FBH1: variants seen among roughly 807,000 people sequenced by gnomAD.
FBH1 encodes DNA 3'-5' helicase 1.
In FBH1, 43 loss-of-function variants were observed where a neutral mutation model predicts 115.5. That is an observed-to-expected ratio of 0.37 (90% CI 0.29 to 0.48). The LOEUF (loss-of-function observed/expected upper bound fraction) is 0.48. FBH1 is among the 20% of genes least tolerant of loss of function. The pLI is 0.99. For synonymous variants in FBH1, 524 were observed against 507.8 expected, an observed-to-expected ratio of 1.03 and a Z score of -0.43; for missense variants, 1,001 against 1,337.3, an observed-to-expected ratio of 0.75 and a Z score of 3.92.
intron 18 of FBH1, among the ~76,000 whole-genome samples, chr10:5,927,141 G>A (rs74116615): frequency 0.013 from 1,918 of 152,322 alleles, 31 homozygotes; most frequent in African/African-American, 0.036. Context: ...CTGGCATAAT[G>A]ACTGTAAACA....
rs1379367867 is a variant in FBH1, at chr10:5,915,127, A to G, written c.1397-276A>G. 6.6e-6 allele frequency among the ~76,000 whole-genome samples: 1 copy of G among 152,066 alleles called. No individual in the cohort carries two copies. The highest frequency in any genetic ancestry group is 2.4e-5 in the African/African-American group (1 of 41,408). On this transcript the variant is annotated intron_variant, in intron 8 of 20. Transcript: ENST00000362091. The surrounding 1 kb of genome is among the most constrained non-coding windows in gnomAD (Gnocchi z 5.2). Reference sequence around the variant, plus strand: ...CCCTACCTCTAATGGATACCCACTTATTTCTGAGAAGCAAACTGAAGCTCA... The same window carrying G: ...CCCTACCTCTAATGGATACCCACTTGTTTCTGAGAAGCAAACTGAAGCTCA...
rs1043322704 is a variant in FBH1, at chr10:5,933,383, G to A, written c.2830-3073G>A. 2.3e-4 allele frequency among the ~76,000 whole-genome samples: 35 copies of A among 152,198 alleles called. No homozygotes were observed. Among genetic ancestry groups the A allele is most frequent in the African/African-American group, 8.4e-4 (35 of 41,452 alleles). ...AGTGTGGGCAACAAAGTGAGACTCT[G>A]TCTCAAAACAAACAAACAAAAAAGT... On this transcript the variant is annotated intron_variant, in intron 19 of 20. Transcript: ENST00000362091. The surrounding 1 kb of genome is among the most constrained non-coding windows in gnomAD (Gnocchi z 4.9).
chr10:5,896,210 GTCTCA>G (rs1485773515), intron 1 of FBH1, among the ~76,000 whole-genome samples: 1 of 152,130 alleles, frequency 6.6e-6, no homozygotes, highest in Non-Finnish European at 1.5e-5. Flanking sequence ...ACTGATAAGG[GTCTCA>G]TCTCCATCGG....
At position 5,925,529 on chromosome 10, in the gene FBH1, T is replaced by C. The variant is rs201948498; in HGVS notation, c.2722+37T>C. Reference sequence around the variant, plus strand: ...CCGGGTAGTGTCAGGTGCTGCTGTATGTAGTGAGTGGTGACTGGAATGCTT... The same window carrying C: ...CCGGGTAGTGTCAGGTGCTGCTGTACGTAGTGAGTGGTGACTGGAATGCTT... On this transcript the variant is annotated intron_variant, in intron 18 of 20. Transcript: ENST00000362091. This position sits in a 1 kb window ranked among gnomAD's most constrained non-coding sequence, Gnocchi z 4.6. 143 of 1,611,104 alleles carry C rather than the reference T, an allele frequency of 8.9e-5. No individual in the cohort carries two copies. In the African/African-American group the frequency reaches 1.6e-3, roughly 18 times the overall value.
chr10:5,922,903 A>C (rs1832395143), intron 15 of FBH1, among the ~76,000 whole-genome samples: 1 of 152,032 alleles, frequency 6.6e-6, no homozygotes, highest in Admixed American at 6.5e-5. Flanking sequence ...CTTTTTTTTG[A>C]GACAGAGTCT....
chr10:5,919,080 T>G (rs530022595), intron 13 of FBH1, among the ~76,000 whole-genome samples: 49 of 152,378 alleles, frequency 3.2e-4, no homozygotes, highest in African/African-American at 1.2e-3. Flanking sequence ...TCTTCTGTTA[T>G]GCCAGGCATT....
rs763523159 is a variant in FBH1 at position 5,924,120 on chromosome 10, G to A, written c.2399-191G>A. The A allele has an allele frequency of 6.3e-5, 38 of 605,394 alleles. No homozygotes were observed. The highest frequency in any genetic ancestry group is 4.4e-4 in the Middle Eastern group (1 of 2,272). The allele number at this position is 605,394 out of a possible 1,614,324, so 37.5% of individuals were successfully genotyped here. A position where few individuals can be genotyped will look rare whatever the true frequency, so the allele number is the denominator to read the frequency against. ...AGGGCTTTGCTCCTCAGTCGGAGAC[G>A]GAGAGGCTACTGCACTGCACTGACT... On this transcript the variant is annotated intron_variant, in intron 16 of 20. Transcript: ENST00000362091. The surrounding 1 kb of genome is among the most constrained non-coding windows in gnomAD (Gnocchi z 6.2).
Position 5,937,118 on chromosome 10 carries a change from G to A in FBH1, c.2970G>A (p.Arg990=), listed in dbSNP as rs758109210. Residue 990 remains arginine, a synonymous_variant, in exon 21 of 21, where the codon AGG becomes AGA. Transcript: ENST00000362091. ...MKKLPITYSN[R]KENKGGYLCH... ...CTTGTCCATCACCACAGAGCAACAG[G>A]AAGGAAAACAAGGGGGGCTACCTCT... The A allele has an allele frequency of 1.9e-6, 3 of 1,604,154 alleles. No homozygotes were observed. Among genetic ancestry groups the A allele is most frequent in the East Asian group, 2.2e-5 (1 of 44,664 alleles).
At chr10:5,893,754 T>C (rs1195155515) in intron 1 of FBH1, among the ~76,000 whole-genome samples, 1 of 152,254 alleles carries the variant, frequency 6.6e-6, no homozygotes, top group Admixed American at 6.5e-5. Context: ...GGTAGGCTTA[T>C]TCACTTTTGT....
At position 5,913,534 on chromosome 10, in the gene FBH1, C is replaced by G. The variant is rs530269399; in HGVS notation, c.1212-213C>G. On this transcript the variant is annotated intron_variant, in intron 6 of 20. Coordinates refer to ENST00000362091, the MANE Select transcript of FBH1 (RefSeq NM_178150.3). This position sits in a 1 kb window ranked among gnomAD's most constrained non-coding sequence, Gnocchi z 4.4. ...GTCTCTTCCTCCTCTTGGAGATATA[C>G]ATAGAAACTACACCTTTCCCAGGAC... Among the ~76,000 whole-genome samples the G allele has an allele frequency of 4.3e-4, 66 of 152,260 alleles. No homozygotes were observed. The highest frequency in any genetic ancestry group is 1.5e-3 in the African/African-American group (63 of 41,560).
intron 1 of FBH1, among the ~76,000 whole-genome samples, chr10:5,893,275 C>T (rs573276686): frequency 1.3e-5 from 2 of 152,336 alleles, no homozygotes; most frequent in South Asian, 4.1e-4. Context: ...CATTGTACCC[C>T]AGCCTGGACC....
chr10:5,936,275 C>T lies in FBH1; in HGVS notation c.2830-181C>T, dbSNP rs1188865696. 2.1e-5 allele frequency: 11 copies of T among 526,044 alleles called. No homozygotes were observed. The highest frequency in any genetic ancestry group is 3.1e-5 in the Admixed American group (1 of 32,272). 32.6% of individuals were successfully genotyped at this position (526,044 alleles called of 1,614,324 possible). On this transcript the variant is annotated intron_variant, in intron 19 of 20. Transcript: ENST00000362091. This position sits in a 1 kb window ranked among gnomAD's most constrained non-coding sequence, Gnocchi z 5.6. ...GCAATTGGACTGTCAGTTGGACTGT[C>T]GATAGCTTTGGAGGCAGGGAAAAGT...
chr10:5,896,961 A>G (rs1017327095), intron 1 of FBH1, among the ~76,000 whole-genome samples: 2 of 152,126 alleles, frequency 1.3e-5, no homozygotes, highest in African/African-American at 4.8e-5. Context: ...TTATTTTTGA[A>G]CTGCTTTTTA....
chr10:5,904,493 G>C (rs1275605972), intron 2 of FBH1, among the ~76,000 whole-genome samples: 7 of 152,184 alleles, frequency 4.6e-5, no homozygotes, highest in Non-Finnish European at 1.0e-4. Flanking sequence ...ACAAGGACTT[G>C]TGAGGTGGCC....
rs1158590564 is a variant in FBH1 at position 5,913,262 on chromosome 10, C to G, written c.1212-485C>G. 6.6e-6 allele frequency among the ~76,000 whole-genome samples: 1 copy of G among 152,080 alleles called. No individual in the cohort carries two copies. The highest frequency in any genetic ancestry group is 2.4e-5 in the African/African-American group (1 of 41,398). On this transcript the variant is annotated intron_variant, in intron 6 of 20. Transcript: ENST00000362091. The surrounding 1 kb of genome is among the most constrained non-coding windows in gnomAD (Gnocchi z 4.4). ...ATAGTGTAGTCCCTTTTCTTGGGAC[C>G]TTAAAAGATAGAATGTGTTCATGCG...
At chr10:5,892,180 G>C (rs1842772263) in intron 1 of FBH1, among the ~76,000 whole-genome samples, 1 of 152,178 alleles carries the variant, frequency 6.6e-6, no homozygotes, top group South Asian at 2.1e-4. Context: ...TTTCTTTCGT[G>C]CAGACTTTTG....
chr10:5,908,790 C>T, intron 3 of FBH1, 135 bp from the exon 4 acceptor site: 3 of 949,014 alleles, frequency 3.2e-6, no homozygotes, highest in Non-Finnish European at 4.7e-6. Context: ...TATTTTTTTT[C>T]AGTAGAGACG....
rs1345122023 is a variant in FBH1 at position 5,900,465 on chromosome 10, G to A, written c.2-2555G>A. 2.6e-5 allele frequency among the ~76,000 whole-genome samples: 4 copies of A among 152,210 alleles called. No individual in the cohort carries two copies. The highest frequency in any genetic ancestry group is 4.8e-5 in the African/African-American group (2 of 41,462). On this transcript the variant is annotated intron_variant, in intron 1 of 20. Transcript: ENST00000362091. The surrounding 1 kb of genome is among the most constrained non-coding windows in gnomAD (Gnocchi z 4.2). ...CGCCAGGCCCTCGCCGGCTCACCAC[G>A]CTGCGCTGTGCTGCTTCGTGAGAGT...
At chr10:5,896,631 G>A (rs904236354) in intron 1 of FBH1, among the ~76,000 whole-genome samples, 1 of 152,124 alleles carries the variant, frequency 6.6e-6, no homozygotes, top group African/African-American at 2.4e-5. Flanking sequence ...CACAGATGCC[G>A]AATTTGGTGT....
Sources: allele counts gnomAD v4.1 joint callset (sites outside exome capture counted in the v4.1 genomes callset), GRCh38; gene constraint gnomAD v4.1.1; non-coding constraint Gnocchi (gnomAD v3.1); transcripts MANE v1.5; gene names NCBI Gene and HGNC (gene_info 2026-07-23, HGNC 2026-07-21).